FBXO27: variants seen among roughly 807,000 people sequenced by gnomAD.
FBXO27 encodes F-box only protein 27.
Under a neutral mutation model 28.3 loss-of-function variants are expected in FBXO27, and 28 were observed. That is an observed-to-expected ratio of 0.99 (90% CI 0.73 to 1.36). The LOEUF (loss-of-function observed/expected upper bound fraction) is 1.36, where lower values mean the gene tolerates loss of function less well. Ranked by LOEUF, FBXO27 falls within the 40% of genes most tolerant of loss-of-function variation. FBXO27 has a pLI of 0.00. For missense variants in FBXO27, 388 were observed against 394.1 expected, an observed-to-expected ratio of 0.98 and a Z score of 0.13; for synonymous variants, 175 against 167.3, an observed-to-expected ratio of 1.05 and a Z score of -0.36.
intron 1 of FBXO27, among the ~76,000 whole-genome samples, chr19:39,018,143 G>A (rs1297822569): frequency 6.6e-6 from 1 of 152,086 alleles, no homozygotes; most frequent in Non-Finnish European, 1.5e-5. Flanking sequence ...ACCATGCCCA[G>A]CTAATTTTTT....
intron 4 of FBXO27, chr19:39,030,805 G>T: frequency 1.8e-6 from 1 of 567,750 alleles, no homozygotes; most frequent in Non-Finnish European, 3.1e-6. Context: ...ACGAGGTTTT[G>T]CCATGCTGGT....
intron 5 of FBXO27, among the ~76,000 whole-genome samples, chr19:39,025,784 G>A (rs2072870089): frequency 1.3e-5 from 2 of 152,174 alleles, no homozygotes; most frequent in Admixed American, 6.6e-5. Flanking sequence ...GGAGGCCGAG[G>A]CAGGTGGATT....
At chr19:39,021,681 G>C (rs1363100020), downstream of FBXO27, among the ~76,000 whole-genome samples, 1 of 150,068 alleles carries the variant, frequency 6.7e-6, no homozygotes, top group Admixed American at 6.6e-5. Flanking sequence ...TTTTTTTTTT[G>C]AGATGGAGTC....
Position 39,032,201 on chromosome 19 carries a change from C to T in FBXO27, c.27G>A (p.Arg9=). MGASVSRG[R]AARVPAPEPE... The stretch of plus-strand genomic sequence containing the variant: ...GCTCCGGCGCGGGGACCCGGGCGGC[C>T]CGGCCCCTGGAGACCGAGGCGCCCA... The change falls in exon 2 of 6, where the codon CGG becomes CGA. Residue 9 remains arginine (R), a synonymous_variant. Coordinates refer to ENST00000292853, the MANE Select transcript of FBXO27 (RefSeq NM_178820.5). The surrounding 1 kb of genome is among the most constrained non-coding windows in gnomAD (Gnocchi z 4.7). 1.4e-6 allele frequency: 2 copies of T among 1,475,820 alleles called. No individual in the cohort carries two copies. The highest frequency in any genetic ancestry group is 1.3e-5 in the South Asian group (1 of 74,362). The allele number at this position is 1,475,820 out of a possible 1,614,324, so 91.4% of individuals were successfully genotyped here.
chr19:39,023,216 G>A (rs2072854102), downstream of FBXO27, among the ~76,000 whole-genome samples: 1 of 152,208 alleles, frequency 6.6e-6, no homozygotes, highest in Admixed American at 6.6e-5. Flanking sequence ...GATTACAGGC[G>A]TGAGGCACCA....
intron 1 of FBXO27, among the ~76,000 whole-genome samples, chr19:39,019,017 C>T (rs1456724802): frequency 1.3e-5 from 2 of 150,140 alleles, no homozygotes; most frequent in African/African-American, 4.9e-5. Flanking sequence ...TGCAGTGAGC[C>T]CAGATCATGC....
chr19:39,007,899 G>A (rs2072776784), intron 2 of FBXO27, among the ~76,000 whole-genome samples: 1 of 152,056 alleles, frequency 6.6e-6, no homozygotes, highest in Non-Finnish European at 1.5e-5. Context: ...AAATCTGCCT[G>A]CCTCGGCCTC....
chr19:39,021,758 G>A (rs576879810), downstream of FBXO27, among the ~76,000 whole-genome samples: 2 of 152,012 alleles, frequency 1.3e-5, no homozygotes, highest in African/African-American at 4.8e-5. Context: ...TGCCTCCTGG[G>A]TTCAAGCGAT....
rs569210540 is a variant in FBXO27 at position 39,012,079 on chromosome 19, C to T, written c.252+2308G>A. Among the ~76,000 whole-genome samples the T allele has an allele frequency of 6.6e-5, 10 of 151,924 alleles. 1 individual carries two copies. The South Asian group carries it at 1.5e-3, about 22-fold the overall frequency. ...CGATCTCCTGACCTCGTGATCCGCCCGTCTCGGCCTCCCAAAGTACTGGGA... is the reference window on the plus strand; with the variant it reads ...CGATCTCCTGACCTCGTGATCCGCCTGTCTCGGCCTCCCAAAGTACTGGGA... On this transcript the variant is annotated intron_variant, in intron 2 of 2. Transcript: ENST00000598394.
intron 2 of FBXO27, among the ~76,000 whole-genome samples, chr19:39,008,784 T>G (rs186565467): frequency 6.6e-6 from 1 of 152,320 alleles, no homozygotes; most frequent in East Asian, 1.9e-4. Flanking sequence ...TTTTCAAGGT[T>G]CATCCATATT....
In FBXO27 at chr19:39,032,339, C is replaced by A. The variant is rs1056638675; in HGVS notation, c.-26-86G>T. ...GCCTGCCCTGATTCTGCCAGCCGCA[C>A]CCCCGTCTTCACCATCCCTGGGCCC... is the stretch of plus-strand genomic sequence containing the variant. On this transcript the variant is annotated intron_variant, in intron 1 of 5. Coordinates refer to ENST00000292853, the MANE Select transcript of FBXO27 (RefSeq NM_178820.5). The surrounding 1 kb of genome is among the most constrained non-coding windows in gnomAD (Gnocchi z 4.7). The A allele has an allele frequency of 3.5e-5, 47 of 1,335,940 alleles. No individual in the cohort carries two copies. Among genetic ancestry groups the A allele is most frequent in the Non-Finnish European group, 4.3e-5 (45 of 1,040,942 alleles). 82.8% of individuals were successfully genotyped at this position (1,335,940 alleles called of 1,614,324 possible). A position where few individuals can be genotyped will look rare whatever the true frequency, so the allele number is the denominator to read the frequency against.
At chr19:39,028,147 C>T (rs561536099) in intron 4 of FBXO27, among the ~76,000 whole-genome samples, 1 of 152,024 alleles carries the variant, frequency 6.6e-6, no homozygotes, top group South Asian at 2.1e-4. Flanking sequence ...AGGAGAATCG[C>T]TGGAACCCAG....
At chr19:39,027,072 G>T in intron 4 of FBXO27, 67 bp from the exon 5 acceptor site, 2 of 1,591,716 alleles carry the variant, frequency 1.3e-6, no homozygotes, top group Non-Finnish European at 8.6e-7. Context: ...TGCCTACCTT[G>T]TCCGAATGCC....
Position 39,032,328 on chromosome 19 carries a change from T to C in FBXO27, c.-26-75A>G. ...GCGCAGCCTCTGCCTGCCCTGATTCTGCCAGCCGCACCCCCGTCTTCACCA... is the reference window on the plus strand; with the variant it reads ...GCGCAGCCTCTGCCTGCCCTGATTCCGCCAGCCGCACCCCCGTCTTCACCA... On this transcript the variant is annotated intron_variant, in intron 1 of 5. Transcript: ENST00000292853. This position sits in a 1 kb window ranked among gnomAD's most constrained non-coding sequence, Gnocchi z 4.7. 7.4e-7 allele frequency: 1 copy of C among 1,355,346 alleles called. No homozygotes were observed. Among genetic ancestry groups the C allele is most frequent in the South Asian group, 1.7e-5 (1 of 57,812 alleles). 84.0% of individuals were successfully genotyped at this position (1,355,346 alleles called of 1,614,324 possible).
chr19:39,025,698 A>G, intron 5 of FBXO27, 144 bp from the exon 6 acceptor site: 6 of 1,120,810 alleles, frequency 5.4e-6, no homozygotes, highest in Non-Finnish European at 7.4e-6. Flanking sequence ...AATCTTATAG[A>G]ATCTTCCACT....
At position 39,032,471 on chromosome 19, in the gene FBXO27, C is replaced by T; in HGVS notation, c.-27+32G>A. 2.0e-6 allele frequency: 1 copy of T among 496,506 alleles called. No individual in the cohort carries two copies. Among genetic ancestry groups the T allele is most frequent in the South Asian group, 3.6e-5 (1 of 27,822 alleles). 30.8% of individuals were successfully genotyped at this position (496,506 alleles called of 1,614,324 possible). ...ATTGCATGCAATCAGCCCCCCTCGGCGGCCGCACCGACACCGCACCCCAAG... is the reference window on the plus strand; with the variant it reads ...ATTGCATGCAATCAGCCCCCCTCGGTGGCCGCACCGACACCGCACCCCAAG... On this transcript the variant is annotated intron_variant, in intron 1 of 5. Transcript: ENST00000292853. This position sits in a 1 kb window ranked among gnomAD's most constrained non-coding sequence, Gnocchi z 4.7.
At chr19:39,008,246 C>G (rs1443808448) in intron 2 of FBXO27, among the ~76,000 whole-genome samples, 1 of 146,484 alleles carries the variant, frequency 6.8e-6, no homozygotes, top group Non-Finnish European at 1.5e-5. Context: ...GCCTGGGCAA[C>G]AGAGTGAGAC....
At chr19:39,017,677 T>A (rs375704923) in intron 1 of FBXO27, among the ~76,000 whole-genome samples, 1 of 124,422 alleles carries the variant, frequency 8.0e-6, no homozygotes, top group Admixed American at 7.7e-5. Context: ...AAAAAAAAAA[T>A]CATACATCTA....
In FBXO27 at chr19:39,031,273, C is replaced by T. The variant is rs772833753; in HGVS notation, c.412G>A (p.Val138Met). The change falls in exon 3 of 6, where the codon GTG becomes ATG. Residue 138 changes from valine to methionine, a missense_variant. By Grantham distance (21) the Val-to-Met change is conservative. Coordinates refer to ENST00000292853, the MANE Select transcript of FBXO27 (RefSeq NM_178820.5). ...MVQHGGDGWV[V>M]EENRTTVPGA... ...GGCACGGTTGTCCTGTTTTCCTCCA[C>T]CACCCAGCCGTCCCCACCGTGTTGC... 7 of 1,613,970 alleles carry T rather than the reference C, an allele frequency of 4.3e-6. No homozygotes were observed. The highest frequency in any genetic ancestry group is 5.9e-6 in the Non-Finnish European group (7 of 1,180,016).
Sources: gnomAD v4.1 joint callset for allele counts (sites outside exome capture counted in the v4.1 genomes callset) on GRCh38, gnomAD v4.1.1 for gene constraint, Gnocchi (gnomAD v3.1) non-coding constraint, MANE v1.5 for transcripts, NCBI Gene and HGNC (gene_info 2026-07-23, HGNC 2026-07-21) for gene names.